EDN3: variants seen among roughly 807,000 people sequenced by gnomAD.
EDN3 encodes the protein endothelin-3.
Under a neutral mutation model 21.4 loss-of-function variants are expected in EDN3, and 9 were observed. That is an observed-to-expected ratio of 0.42 (90% CI 0.25 to 0.73). The LOEUF (loss-of-function observed/expected upper bound fraction) is 0.73, where lower values mean the gene tolerates loss of function less well. EDN3 is among the 30% of genes least tolerant of loss of function. EDN3 has a pLI of 0.26. For synonymous variants in EDN3, 133 were observed against 126.2 expected, an observed-to-expected ratio of 1.05 and a Z score of -0.36; for missense variants, 327 against 309.4, an observed-to-expected ratio of 1.06 and a Z score of -0.43.
Position 59,300,625 on chromosome 20 carries a change from A to C in EDN3, c.-188A>C. ...CGGCCAGCTCCGCGCAGGGATGGGCAGCGCGCTCTGAAAGTTTATGACCGC... is the reference window on the plus strand; with the variant it reads ...CGGCCAGCTCCGCGCAGGGATGGGCCGCGCGCTCTGAAAGTTTATGACCGC... On this transcript the variant is annotated 5_prime_UTR_variant, in exon 1 of 5. Transcript: ENST00000337938. 44 of 601,056 alleles carry C rather than the reference A, an allele frequency of 7.3e-5. No homozygotes were observed. The highest frequency in any genetic ancestry group is 2.0e-5 in the South Asian group (1 of 50,854). 37.2% of individuals were successfully genotyped at this position (601,056 alleles called of 1,614,324 possible). A position where few individuals can be genotyped will look rare whatever the true frequency, so the allele number is the denominator to read the frequency against.
chr20:59,320,311 A>C (rs905591104), intron 2 of EDN3, among the ~76,000 whole-genome samples: 1 of 152,190 alleles, frequency 6.6e-6, no homozygotes, highest in African/African-American at 2.4e-5. Flanking sequence ...CTGTAATTGC[A>C]TTTCCCATCT....
rs1033891831 is a variant in EDN3, at chr20:59,305,423, A to T, written c.365+3701A>T. On this transcript the variant is annotated intron_variant, in intron 2 of 4. Coordinates refer to ENST00000337938, the MANE Select transcript of EDN3 (RefSeq NM_207034.3). The surrounding 1 kb of genome is among the most constrained non-coding windows in gnomAD (Gnocchi z 4.2). ...TGAGCAGACTGAAGAAACAGATACC[A>T]GGTAGCTGGGGCCTGTAGGAGTCAG... is the stretch of plus-strand genomic sequence containing the variant. Among the ~76,000 whole-genome samples the T allele has an allele frequency of 6.6e-6, 1 of 152,230 alleles. No homozygotes were observed. Among genetic ancestry groups the T allele is most frequent in the African/African-American group, 2.4e-5 (1 of 41,464 alleles).
chr20:59,309,863 A>G (rs892072209), intron 2 of EDN3, among the ~76,000 whole-genome samples: 1 of 152,204 alleles, frequency 6.6e-6, no homozygotes. Flanking sequence ...GTCCAGGAAC[A>G]AAAACAGACT....
chr20:59,317,083 C>T (rs1407577538), intron 2 of EDN3, among the ~76,000 whole-genome samples: 1 of 152,212 alleles, frequency 6.6e-6, no homozygotes, highest in Non-Finnish European at 1.5e-5. Flanking sequence ...AGGTTCTCCG[C>T]CAATTTCACT....
intron 2 of EDN3, among the ~76,000 whole-genome samples, chr20:59,302,433 G>C (rs978983400): frequency 1.3e-5 from 2 of 152,140 alleles, no homozygotes; most frequent in African/African-American, 4.8e-5. Flanking sequence ...AATTTGTCTT[G>C]GGGTTCGTCC....
At chr20:59,301,784 C>T (rs1989061227) in intron 2 of EDN3, 62 bp downstream of exon 2, 3 of 1,563,898 alleles carry the variant, frequency 1.9e-6, no homozygotes, top group Non-Finnish European at 2.6e-6. Flanking sequence ...CTGCTCATTC[C>T]CAGGAGGACC....
intron 2 of EDN3, 131 bp from the exon 3 acceptor site, chr20:59,320,886 A>G: frequency 1.1e-6 from 1 of 893,126 alleles, no homozygotes; most frequent in Non-Finnish European, 1.8e-6. Flanking sequence ...CCAGAGCTGT[A>G]GTGGGGAGGG....
At chr20:59,315,849 C>T (rs984384461) in intron 2 of EDN3, among the ~76,000 whole-genome samples, 1 of 152,072 alleles carries the variant, frequency 6.6e-6, no homozygotes, top group Non-Finnish European at 1.5e-5. Flanking sequence ...GCACAACTTC[C>T]AATTCTTCAA....
intron 2 of EDN3, among the ~76,000 whole-genome samples, chr20:59,312,415 C>A (rs1341032809): frequency 6.6e-6 from 1 of 152,008 alleles, no homozygotes; most frequent in Non-Finnish European, 1.5e-5. Context: ...ATAACAAAAA[C>A]CAGAGGTATT....
chr20:59,305,673 G>A lies in EDN3; in HGVS notation c.365+3951G>A, dbSNP rs1361836375. 1.3e-5 allele frequency among the ~76,000 whole-genome samples: 2 copies of A among 152,120 alleles called. No individual in the cohort carries two copies. Among genetic ancestry groups the A allele is most frequent in the Admixed American group, 1.3e-4 (2 of 15,278 alleles). Reference sequence around the variant, plus strand: ...CTTACATGATTGTGGGGGCTGGCAGGCCAGAAATCTGCATGCCACCAGGCT... The same window carrying A: ...CTTACATGATTGTGGGGGCTGGCAGACCAGAAATCTGCATGCCACCAGGCT... On this transcript the variant is annotated intron_variant, in intron 2 of 4. Coordinates refer to ENST00000337938, the MANE Select transcript of EDN3 (RefSeq NM_207034.3). This position sits in a 1 kb window ranked among gnomAD's most constrained non-coding sequence, Gnocchi z 4.2.
At chr20:59,313,125 C>T (rs923779159) in intron 2 of EDN3, among the ~76,000 whole-genome samples, 1 of 152,192 alleles carries the variant, frequency 6.6e-6, no homozygotes, top group Non-Finnish European at 1.5e-5. Flanking sequence ...AAGTAGAGAT[C>T]CATTGAGTCA....
chr20:59,309,020 T>A (rs1448374879), intron 2 of EDN3, among the ~76,000 whole-genome samples: 1 of 152,228 alleles, frequency 6.6e-6, no homozygotes, highest in African/African-American at 2.4e-5. Context: ...ATAAGCAGCC[T>A]GATAAAGACT....
At position 59,324,377 on chromosome 20, in the gene EDN3, A is replaced by T; in HGVS notation, c.635A>T (p.His212Leu). 1 of 1,614,050 alleles carries T rather than the reference A, an allele frequency of 6.2e-7. No individual in the cohort carries two copies. Among genetic ancestry groups the T allele is most frequent in the Non-Finnish European group, 8.5e-7 (1 of 1,179,996 alleles). ...QQSKQALDLH[H>L]PKLMPGSGLA... ...AGCAAGCAGGCTTTAGACCTCCACC[A>T]TCCAAAGCTCATGCCCGGCAGTGGA... is the stretch of plus-strand genomic sequence containing the variant. Residue 212 changes from histidine (H) to leucine (L), a missense_variant, in exon 5 of 5, where the codon CAT becomes CTT. Coordinates refer to ENST00000337938, the MANE Select transcript of EDN3 (RefSeq NM_207034.3).
intron 2 of EDN3, among the ~76,000 whole-genome samples, chr20:59,317,809 C>A (rs557797953): frequency 1.4e-4 from 22 of 152,338 alleles, no homozygotes; most frequent in African/African-American, 5.0e-4. Flanking sequence ...CTAGAATGAT[C>A]TCACCATGAA....
chr20:59,313,611 C>T (rs1989978577), intron 2 of EDN3, among the ~76,000 whole-genome samples: 2 of 152,132 alleles, frequency 1.3e-5, no homozygotes, highest in Admixed American at 1.3e-4. Context: ...TCCAAATATT[C>T]TAGAATCATG....
At chr20:59,306,774 C>T (rs748604700) in intron 2 of EDN3, among the ~76,000 whole-genome samples, 10 of 152,114 alleles carry the variant, frequency 6.6e-5, no homozygotes, top group Non-Finnish European at 1.2e-4. Flanking sequence ...CCCAATAGAA[C>T]GGTTGGATCT....
In EDN3 at chr20:59,322,080, G is replaced by A. The variant is rs547079210; in HGVS notation, c.543-292G>A. Among the ~76,000 whole-genome samples, 22 of 152,264 alleles carry A rather than the reference G, an allele frequency of 1.4e-4. No individual in the cohort carries two copies. Among genetic ancestry groups the A allele is most frequent in the African/African-American group, 4.8e-4 (20 of 41,542 alleles). ...ACACCCCAACAAGGCAGACGGTAGC[G>A]CTCAGGACCCCAGGATCTGCCGTCT... On this transcript the variant is annotated intron_variant, in intron 3 of 4. Coordinates refer to ENST00000337938, the MANE Select transcript of EDN3 (RefSeq NM_207034.3). This position sits in a 1 kb window ranked among gnomAD's most constrained non-coding sequence, Gnocchi z 4.1.
chr20:59,301,591 C>T lies in EDN3; in HGVS notation c.234C>T (p.Ser78=), dbSNP rs757170661. The T allele has an allele frequency of 7.4e-6, 12 of 1,613,954 alleles. No homozygotes were observed. Among genetic ancestry groups the T allele is most frequent in the Admixed American group, 5.0e-5 (3 of 60,028 alleles). Residue 78 remains serine, a synonymous_variant, in exon 2 of 5, where the codon AGC becomes AGT. Coordinates refer to ENST00000337938, the MANE Select transcript of EDN3 (RefSeq NM_207034.3). ...CACTGCAGGGTCCAAGCCCTGGAAGCCCTGGGCAGGAGCAGGCGGCCGAGG... is the reference window on the plus strand; with the variant it reads ...CACTGCAGGGTCCAAGCCCTGGAAGTCCTGGGCAGGAGCAGGCGGCCGAGG... ...PTALQGPSPG[S]PGQEQAAEGA...
At chr20:59,310,682 G>C (rs748142244) in intron 2 of EDN3, among the ~76,000 whole-genome samples, 2 of 152,172 alleles carry the variant, frequency 1.3e-5, no homozygotes, top group Non-Finnish European at 1.5e-5. Flanking sequence ...GAACAGAACA[G>C]TCAGGGAGGC....
Sources: gnomAD v4.1 joint callset for allele counts (sites outside exome capture counted in the v4.1 genomes callset) on GRCh38, gnomAD v4.1.1 for gene constraint, Gnocchi (gnomAD v3.1) non-coding constraint, MANE v1.5 for transcripts, NCBI Gene and HGNC (gene_info 2026-07-23, HGNC 2026-07-21) for gene names.